HPGD: variants seen among roughly 807,000 people sequenced by gnomAD.
The protein encoded by HPGD is 15-hydroxyprostaglandin dehydrogenase, also known as 15-hydroxyprostaglandin dehydrogenase [NAD(+)].
Under a neutral mutation model 30.0 loss-of-function variants are expected in HPGD, and 29 were observed. The observed-to-expected ratio is 0.97, with a 90% CI of 0.72 to 1.32. The LOEUF is 1.32. Among genes scored for constraint, HPGD ranks in the 40% most tolerant of loss-of-function variants. The probability of loss-of-function intolerance (pLI) is 0.00; values close to 1 mark genes in which losing one functional copy is unlikely to be tolerated. For missense variants in HPGD, 340 were observed against 322.1 expected, an observed-to-expected ratio of 1.06 and a Z score of -0.43; for synonymous variants, 99 against 112.4, an observed-to-expected ratio of 0.88 and a Z score of 0.75.
intron 4 of HPGD, among the ~76,000 whole-genome samples, chr4:174,503,259 C>T (rs930646038): frequency 6.6e-6 from 1 of 152,128 alleles, no homozygotes; most frequent in Non-Finnish European, 1.5e-5. Flanking sequence ...ATACTCATGG[C>T]AGTTGGCATC....
intron 4 of HPGD, among the ~76,000 whole-genome samples, chr4:174,503,001 T>C (rs1181294894): frequency 6.6e-6 from 1 of 152,216 alleles, no homozygotes; most frequent in African/African-American, 2.4e-5. Context: ...TCCCTAGACA[T>C]ATTAAATCTG....
rs1734501569 is a variant in HPGD at position 174,494,738 on chromosome 4, A to C, written c.498+810T>G. Among the ~76,000 whole-genome samples the C allele has an allele frequency of 1.3e-5, 2 of 152,246 alleles. No individual in the cohort carries two copies. Among genetic ancestry groups the C allele is most frequent in the South Asian group, 4.1e-4 (2 of 4,824 alleles). ...TAGATGAACCACCCAGAGACCCCCTACAACTGTTCTTTCCGCTTTTACACT... is the reference window on the plus strand; with the variant it reads ...TAGATGAACCACCCAGAGACCCCCTCCAACTGTTCTTTCCGCTTTTACACT... On this transcript the variant is annotated intron_variant, in intron 5 of 6. Transcript: ENST00000296522. This position sits in a 1 kb window ranked among gnomAD's most constrained non-coding sequence, Gnocchi z 4.9.
intron 4 of HPGD, among the ~76,000 whole-genome samples, chr4:174,505,638 G>C (rs1390970187): frequency 1.4e-5 from 2 of 143,990 alleles, no homozygotes; most frequent in African/African-American, 5.9e-5. Context: ...TAAAATACAA[G>C]GCAATTCATT....
At chr4:174,515,253 C>A (rs570334117) in intron 3 of HPGD, among the ~76,000 whole-genome samples, 48 of 152,108 alleles carry the variant, frequency 3.2e-4, no homozygotes, top group Middle Eastern at 3.4e-3. Context: ...TCACACTATT[C>A]GACTTCAAAC....
chr4:174,502,124 A>C (rs766372065), intron 4 of HPGD, among the ~76,000 whole-genome samples: 3 of 151,712 alleles, frequency 2.0e-5, no homozygotes, highest in African/African-American at 7.3e-5. Context: ...AAGCTGTCAC[A>C]TTTTCTTTAC....
chr4:174,519,383 T>C (rs1735964965), intron 2 of HPGD, among the ~76,000 whole-genome samples: 1 of 151,938 alleles, frequency 6.6e-6, no homozygotes, highest in Admixed American at 6.6e-5. Context: ...CCGGCTAATT[T>C]TTTGTATTTT....
At chr4:174,510,529 G>T (rs932227424) in intron 3 of HPGD, among the ~76,000 whole-genome samples, 6 of 152,162 alleles carry the variant, frequency 3.9e-5, no homozygotes, top group African/African-American at 1.4e-4. Context: ...TTTTCGACAT[G>T]AACAAGATGA....
rs553297159 is a variant in HPGD, at chr4:174,496,618, C to G, written c.422-994G>C. 6.6e-6 allele frequency among the ~76,000 whole-genome samples: 1 copy of G among 152,276 alleles called. No homozygotes were observed. Among genetic ancestry groups the G allele is most frequent in the South Asian group, 2.1e-4 (1 of 4,830 alleles). On this transcript the variant is annotated intron_variant, in intron 4 of 6. Transcript: ENST00000296522. The surrounding 1 kb of genome is among the most constrained non-coding windows in gnomAD (Gnocchi z 4.6). Reference sequence around the variant, plus strand: ...AATGCTTTTTAAGTTTGTGACTTCTCTGAGTCAAGTAACAGTGATCCCTGA... The same window carrying G: ...AATGCTTTTTAAGTTTGTGACTTCTGTGAGTCAAGTAACAGTGATCCCTGA...
At chr4:174,502,273 T>C (rs1734940168) in intron 4 of HPGD, among the ~76,000 whole-genome samples, 1 of 152,208 alleles carries the variant, frequency 6.6e-6, no homozygotes, top group Non-Finnish European at 1.5e-5. Context: ...ACTGGTGAAC[T>C]TCCTCATTTG....
In HPGD at chr4:174,490,706, C is replaced by T. The variant is rs1230611245; in HGVS notation, c.*1250G>A. 2 of 152,322 alleles carry T rather than the reference C, an allele frequency of 1.3e-5. No individual in the cohort carries two copies. The highest frequency in any genetic ancestry group is 2.4e-5 in the African/African-American group (1 of 41,462). The allele number at this position is 152,322 out of a possible 1,614,324, so 9.4% of individuals were successfully genotyped here. On this transcript the variant is annotated 3_prime_UTR_variant, in exon 7 of 7. Coordinates refer to ENST00000296522, the MANE Select transcript of HPGD (RefSeq NM_000860.6). This position sits in a 1 kb window ranked among gnomAD's most constrained non-coding sequence, Gnocchi z 4.4. ...ATTAAAATAGGGCAAGATATGACAACATTCCAGTACTTCTAGGAAATCCAT... is the reference window on the plus strand; with the variant it reads ...ATTAAAATAGGGCAAGATATGACAATATTCCAGTACTTCTAGGAAATCCAT...
At chr4:174,508,610 G>A in intron 4 of HPGD, 86 bp downstream of exon 4, 2 of 824,866 alleles carry the variant, frequency 2.4e-6, no homozygotes, top group South Asian at 2.7e-5. Flanking sequence ...AACTTGAGCT[G>A]ATAATAAATA....
chr4:174,496,227 T>C lies in HPGD; in HGVS notation c.422-603A>G, dbSNP rs1221350563. Among the ~76,000 whole-genome samples, 5 of 152,246 alleles carry C rather than the reference T, an allele frequency of 3.3e-5. No individual in the cohort carries two copies. The East Asian group carries it at 5.8e-4, about 18-fold the overall frequency. On this transcript the variant is annotated intron_variant, in intron 4 of 6. Coordinates refer to ENST00000296522, the MANE Select transcript of HPGD (RefSeq NM_000860.6). The surrounding 1 kb of genome is among the most constrained non-coding windows in gnomAD (Gnocchi z 4.6). Reference sequence around the variant, plus strand: ...CTTTTTGTCCTATGACTTAGGAAGATAGAAATAAACATTTGTGGTCCTATT... The same window carrying C: ...CTTTTTGTCCTATGACTTAGGAAGACAGAAATAAACATTTGTGGTCCTATT...
intron 4 of HPGD, among the ~76,000 whole-genome samples, chr4:174,502,139 A>C (rs1196160566): frequency 1.4e-5 from 2 of 143,150 alleles, no homozygotes; most frequent in Non-Finnish European, 2.9e-5. Context: ...CTTTACAACC[A>C]ACAACAACAA....
chr4:174,509,178 T>G (rs572160893), intron 3 of HPGD, among the ~76,000 whole-genome samples: 77 of 152,370 alleles, frequency 5.1e-4, no homozygotes, highest in South Asian at 4.6e-3. Context: ...ATGGTTCTCA[T>G]GTCTCAGTAT....
chr4:174,506,120 G>T (rs975920856), intron 4 of HPGD, among the ~76,000 whole-genome samples: 6 of 152,170 alleles, frequency 3.9e-5, no homozygotes, highest in Admixed American at 1.3e-4. Context: ...CGGTGAGCGG[G>T]ATGACAAAGC....
chr4:174,502,642 C>T (rs1734973647), intron 4 of HPGD, among the ~76,000 whole-genome samples: 1 of 142,908 alleles, frequency 7.0e-6, no homozygotes, highest in Non-Finnish European at 1.5e-5. Flanking sequence ...TGCGCCACCG[C>T]ACTCCAGCCT....
At chr4:174,505,311 A>G (rs1735128310) in intron 4 of HPGD, among the ~76,000 whole-genome samples, 1 of 152,174 alleles carries the variant, frequency 6.6e-6, no homozygotes, top group Non-Finnish European at 1.5e-5. Context: ...AATACTGAAT[A>G]TTACCCACAG....
rs1441267964 is a variant in HPGD at position 174,522,453 on chromosome 4, G to A, written c.-2C>T. 1 of 1,571,564 alleles carries A rather than the reference G, an allele frequency of 6.4e-7. No individual in the cohort carries two copies. Reference sequence around the variant, plus strand: ...CGCCACTTTGCCGTTCACGTGCATGGTGCAGCCACTGCTGGGGCGGGCGGT... The same window carrying A: ...CGCCACTTTGCCGTTCACGTGCATGATGCAGCCACTGCTGGGGCGGGCGGT... On this transcript the variant is annotated 5_prime_UTR_variant, in exon 1 of 7. Transcript: ENST00000296522.
chr4:174,505,287 G>A (rs1328825066), intron 4 of HPGD, among the ~76,000 whole-genome samples: 1 of 152,140 alleles, frequency 6.6e-6, no homozygotes, highest in Non-Finnish European at 1.5e-5. Flanking sequence ...ATGAGGATAG[G>A]CCCTGTTGAG....
Sources: allele counts gnomAD v4.1 joint callset (sites outside exome capture counted in the v4.1 genomes callset), GRCh38; gene constraint gnomAD v4.1.1; non-coding constraint Gnocchi (gnomAD v3.1); transcripts MANE v1.5; gene names NCBI Gene and HGNC (gene_info 2026-07-23, HGNC 2026-07-21).